Variants in ST8SIA1 observed in about 807,000 individuals in gnomAD.
The protein encoded by ST8SIA1 is alpha-N-acetylneuraminide alpha-2,8-sialyltransferase.
In ST8SIA1, 16 loss-of-function variants were observed where a neutral mutation model predicts 35.9. The ratio of observed to expected loss-of-function variants is 0.45; its 90% CI spans 0.30 to 0.68. ST8SIA1 has a LOEUF of 0.68. ST8SIA1 is among the 30% of genes least tolerant of loss of function. The pLI is 0.09. For missense variants in ST8SIA1, 383 were observed against 453.6 expected (o/e 0.84, Z 1.41); for synonymous variants, 170 against 169.6 (o/e 1.00, Z -0.02).
At chr12:22,267,867 G>C (rs978686856) in intron 2 of ST8SIA1, among the ~76,000 whole-genome samples, 1 of 152,148 alleles carries the variant, frequency 6.6e-6, no homozygotes, top group Non-Finnish European at 1.5e-5. Context: ...CCAACTCTCA[G>C]ATATGACCTG....
Position 22,199,805 on chromosome 12 carries a change from G to A in ST8SIA1, c.*1747C>T, listed in dbSNP as rs781533524. Reference sequence around the variant, plus strand: ...TGTTTACGTGGTAACATGGTATGCTGAGTTTTTACTGTTAAAATTAAACTA... The same window carrying A: ...TGTTTACGTGGTAACATGGTATGCTAAGTTTTTACTGTTAAAATTAAACTA... On this transcript the variant is annotated 3_prime_UTR_variant, in exon 5 of 5. Coordinates refer to ENST00000396037, the MANE Select transcript of ST8SIA1 (RefSeq NM_003034.4). The A allele has an allele frequency of 6.6e-6, 1 of 152,172 alleles. No individual in the cohort carries two copies. Among genetic ancestry groups the A allele is most frequent in the Non-Finnish European group, 1.5e-5 (1 of 68,034 alleles). 9.4% of individuals were successfully genotyped at this position (152,172 alleles called of 1,614,324 possible). A position where few individuals can be genotyped will look rare whatever the true frequency, so the allele number is the denominator to read the frequency against.
At chr12:22,333,095 C>T (rs763864838) in intron 1 of ST8SIA1, among the ~76,000 whole-genome samples, 1 of 152,200 alleles carries the variant, frequency 6.6e-6, no homozygotes, top group Non-Finnish European at 1.5e-5. Flanking sequence ...CCCCTGCTGC[C>T]GTAACTTATT....
At chr12:22,205,549 A>G (rs1865097592) in intron 4 of ST8SIA1, among the ~76,000 whole-genome samples, 1 of 152,188 alleles carries the variant, frequency 6.6e-6, no homozygotes, top group Non-Finnish European at 1.5e-5. Context: ...TTAGCTAACA[A>G]TTTGGAAATC....
At chr12:22,241,458 C>G (rs557843475) in intron 4 of ST8SIA1, among the ~76,000 whole-genome samples, 2 of 152,270 alleles carry the variant, frequency 1.3e-5, no homozygotes, top group African/African-American at 4.8e-5. Flanking sequence ...GCCTGCTCCC[C>G]CTTTGCCTTC....
intron 4 of ST8SIA1, among the ~76,000 whole-genome samples, chr12:22,213,765 C>T (rs933289835): frequency 1.3e-5 from 2 of 152,114 alleles, no homozygotes; most frequent in African/African-American, 4.8e-5. Context: ...AATGAAAACA[C>T]ATTAGCATGT....
At chr12:22,203,282 A>G (rs1865070762) in intron 4 of ST8SIA1, among the ~76,000 whole-genome samples, 1 of 152,152 alleles carries the variant, frequency 6.6e-6, no homozygotes, top group Admixed American at 6.5e-5. Flanking sequence ...AATTCCTTTC[A>G]CCATGGGAGC....
At chr12:22,278,291 T>A (rs1392956191) in intron 2 of ST8SIA1, among the ~76,000 whole-genome samples, 1 of 152,240 alleles carries the variant, frequency 6.6e-6, no homozygotes, top group African/African-American at 2.4e-5. Context: ...ACTGTGTTTT[T>A]TTCTTGAGTC....
intron 1 of ST8SIA1, among the ~76,000 whole-genome samples, chr12:22,330,338 G>C (rs1317088846): frequency 6.6e-6 from 1 of 152,100 alleles, no homozygotes; most frequent in Non-Finnish European, 1.5e-5. Flanking sequence ...ATCATTCCAG[G>C]CGCTGTCTAT....
chr12:22,226,465 TC>T, intron 4 of ST8SIA1, among the ~76,000 whole-genome samples: 1 of 152,206 alleles, frequency 6.6e-6, no homozygotes, highest in Non-Finnish European at 1.5e-5. Flanking sequence ...GTGGACCCAG[TC>T]CTGTTTCAGC....
chr12:22,298,594 G>A lies in ST8SIA1; in HGVS notation c.237-11301C>T, dbSNP rs1047406715. Among the ~76,000 whole-genome samples, 8 of 152,174 alleles carry A rather than the reference G, an allele frequency of 5.3e-5. 1 individual carries two copies. The highest frequency in any genetic ancestry group is 1.5e-5 in the Non-Finnish European group (1 of 68,034). The stretch of plus-strand genomic sequence containing the variant: ...TCTCTATATCAAGTCAAATCATGAG[G>A]AAGTAAGCTATTTATATCACATAAA... On this transcript the variant is annotated intron_variant, in intron 1 of 4. Transcript: ENST00000396037.
Position 22,201,749 on chromosome 12 carries a change from T to G in ST8SIA1, c.874A>C (p.Ile292Leu). Reference sequence around the variant, plus strand: ...ACAGAGAAGGGCCAGAAGCCATAGATGGCCACCTCTTCACAGAGACCCAGA... The same window carrying G: ...ACAGAGAAGGGCCAGAAGCCATAGAGGGCCACCTCTTCACAGAGACCCAGA... ...AALGLCEEVA[I>L]YGFWPFSVNM... The change falls in exon 5 of 5, where the codon ATC becomes CTC. Residue 292 changes from isoleucine to leucine, a missense_variant. Coordinates refer to ENST00000396037, the MANE Select transcript of ST8SIA1 (RefSeq NM_003034.4). The G allele has an allele frequency of 1.2e-6, 2 of 1,614,142 alleles. No individual in the cohort carries two copies. The highest frequency in any genetic ancestry group is 1.3e-5 in the African/African-American group (1 of 75,064).
chr12:22,318,179 T>A (rs1278532032), intron 1 of ST8SIA1, among the ~76,000 whole-genome samples: 1 of 152,246 alleles, frequency 6.6e-6, no homozygotes, highest in East Asian at 1.9e-4. Context: ...AAAATACACA[T>A]TGGATTCTCT....
chr12:22,297,008 G>A (rs564553176), intron 1 of ST8SIA1, among the ~76,000 whole-genome samples: 100 of 152,174 alleles, frequency 6.6e-4, no homozygotes, highest in Non-Finnish European at 1.2e-3. Flanking sequence ...GGGATGCAGC[G>A]GGGATGTCTT....
At chr12:22,268,371 TGGAA>T (rs1229386443) in intron 2 of ST8SIA1, 3 of 151,748 alleles carry the variant, frequency 2.0e-5, no homozygotes, top group Non-Finnish European at 2.9e-5. Flanking sequence ...CATAAACGAG[TGGAA>T]GGAAGGCAAT....
chr12:22,266,563 G>C (rs1865851121), intron 2 of ST8SIA1, among the ~76,000 whole-genome samples: 1 of 151,658 alleles, frequency 6.6e-6, no homozygotes, highest in East Asian at 1.9e-4. Flanking sequence ...ACTTCAGAAG[G>C]CTATGGCAGG....
chr12:22,196,460 T>C lies in ST8SIA1; in HGVS notation c.*5092A>G, dbSNP rs1199725037. The C allele has an allele frequency of 6.6e-6, 1 of 152,112 alleles. No homozygotes were observed. Among genetic ancestry groups the C allele is most frequent in the African/African-American group, 2.4e-5 (1 of 41,416 alleles). 9.4% of individuals were successfully genotyped at this position (152,112 alleles called of 1,614,324 possible). ...GCAGATGGTATCCATTTTCTTATGA[T>C]AGAAGGGAAAAAAAGCTACAGCAAT... On this transcript the variant is annotated 3_prime_UTR_variant, in exon 5 of 5. Coordinates refer to ENST00000396037, the MANE Select transcript of ST8SIA1 (RefSeq NM_003034.4).
intron 4 of ST8SIA1, among the ~76,000 whole-genome samples, chr12:22,218,612 A>AAAATAAATAAAGAAATAAATAAAT (rs1865261368): frequency 7.2e-6 from 1 of 139,274 alleles, no homozygotes. Flanking sequence ...AGCGAGACTC[A>AAAATAAATAAAGAAATAAATAAAT]AAATAAATAA....
chr12:22,297,670 T>A (rs968728473), intron 1 of ST8SIA1, among the ~76,000 whole-genome samples: 1 of 152,170 alleles, frequency 6.6e-6, no homozygotes, highest in Non-Finnish European at 1.5e-5. Context: ...TTTAACTGAC[T>A]GTCATCCACT....
chr12:22,256,845 A>T (rs1384868218), intron 2 of ST8SIA1, among the ~76,000 whole-genome samples: 1 of 152,218 alleles, frequency 6.6e-6, no homozygotes, highest in East Asian at 1.9e-4. Flanking sequence ...CCCAACAAAC[A>T]TCAGAACAGA....
Sources: gnomAD v4.1 joint callset for allele counts (sites outside exome capture counted in the v4.1 genomes callset) on GRCh38, gnomAD v4.1.1 for gene constraint, MANE v1.5 for transcripts, NCBI Gene and HGNC (gene_info 2026-07-23, HGNC 2026-07-21) for gene names.